CACNB2: variants seen among roughly 807,000 people sequenced by gnomAD.
CACNB2 encodes calcium voltage-gated channel auxiliary subunit beta 2, also known as voltage-dependent L-type calcium channel subunit beta-2.
A neutral mutation model predicts 73.3 loss-of-function variants in CACNB2; 42 were observed. The observed-to-expected ratio is 0.57, with a 90% confidence interval of 0.45 to 0.74. CACNB2 has a LOEUF of 0.74. Among genes scored for constraint, CACNB2 ranks in the 30% least tolerant of loss-of-function variants. CACNB2 has a pLI of 0.00. For synonymous variants in CACNB2, 348 were observed against 310.3 expected, an observed-to-expected ratio of 1.12 and a Z score of -1.28; for missense variants, 940 against 853.0, an observed-to-expected ratio of 1.10 and a Z score of -1.27.
At position 18,380,458 on chromosome 10, in the gene CACNB2, T is replaced by TTC. The variant is rs1554805598; in HGVS notation, c.214-21465_214-21464insCT. 2.1e-3 allele frequency among the ~76,000 whole-genome samples: 300 copies of TTC among 144,554 alleles called. 1 individual carries two copies. The highest frequency in any genetic ancestry group is 7.6e-3 in the African/African-American group (293 of 38,602). 94.8% of individuals were successfully genotyped at this position (144,554 alleles called of 152,430 possible). On this transcript the variant is annotated intron_variant, in intron 2 of 13. Coordinates refer to ENST00000324631, the MANE Select transcript of CACNB2 (RefSeq NM_201596.3). Reference sequence around the variant, plus strand: ...ACTTGAAACATGTGTTTTTCTTTTTTTTTTTTTTTTTTTTGAGATGGAGTC... The same window carrying TTC: ...ACTTGAAACATGTGTTTTTCTTTTTTTCTTTTTTTTTTTTTTGAGATGGAGTC...
At position 18,266,516 on chromosome 10, in the gene CACNB2, G is replaced by GT. The variant is rs59495303; in HGVS notation, c.213+115553dup. ...TGGTTAGTAGAATGTAGGTAGTATA[G>GT]TTTTTTTTTTTTAATTGTGGTTGTT... On this transcript the variant is annotated intron_variant, in intron 2 of 13. Transcript: ENST00000324631. Among the ~76,000 whole-genome samples, 491 of 147,438 alleles carry GT rather than the reference G, an allele frequency of 3.3e-3. 1 individual carries two copies. The highest frequency in any genetic ancestry group is 0.011 in the Middle Eastern group (3 of 282).
At chr10:18,433,401 T>C (rs1269979971) in intron 3 of CACNB2, among the ~76,000 whole-genome samples, 4 of 152,216 alleles carry the variant, frequency 2.6e-5, no homozygotes, top group African/African-American at 7.2e-5. Flanking sequence ...GACCAGGTGA[T>C]GGATTAAGCA....
At chr10:18,440,238 C>G (rs1044420780) in intron 3 of CACNB2, among the ~76,000 whole-genome samples, 7 of 152,158 alleles carry the variant, frequency 4.6e-5, no homozygotes, top group Non-Finnish European at 8.8e-5. Context: ...CATGACCTAA[C>G]TACCTTGTTA....
chr10:18,477,475 C>G (rs1021909045), intron 3 of CACNB2, among the ~76,000 whole-genome samples: 7 of 152,292 alleles, frequency 4.6e-5, no homozygotes, highest in African/African-American at 1.7e-4. Flanking sequence ...TGGACTCATC[C>G]AAAGCCTTTT....
chr10:18,391,888 A>G (rs1046594225), intron 2 of CACNB2, among the ~76,000 whole-genome samples: 2 of 138,920 alleles, frequency 1.4e-5, no homozygotes, highest in Admixed American at 1.6e-4. Flanking sequence ...AGATTGTGCC[A>G]CTGCACTCCA....
chr10:18,395,998 C>G (rs1216590368), intron 2 of CACNB2, among the ~76,000 whole-genome samples: 4 of 152,134 alleles, frequency 2.6e-5, no homozygotes, highest in Non-Finnish European at 4.4e-5. Context: ...CCTCTGTCAC[C>G]CAAGCTGGAG....
At chr10:18,355,333 G>A (rs900302069) in intron 2 of CACNB2, among the ~76,000 whole-genome samples, 8 of 152,048 alleles carry the variant, frequency 5.3e-5, no homozygotes, top group African/African-American at 1.9e-4. Context: ...TCTTTTCCAG[G>A]TATAAACCTA....
At chr10:18,259,381 C>A (rs1006039433) in intron 2 of CACNB2, among the ~76,000 whole-genome samples, 1 of 151,396 alleles carries the variant, frequency 6.6e-6, no homozygotes, top group African/African-American at 2.4e-5. Flanking sequence ...GCCTGGGCAA[C>A]AAAGTGAGAC....
At chr10:18,393,416 A>G (rs1167773911) in intron 2 of CACNB2, among the ~76,000 whole-genome samples, 3 of 152,218 alleles carry the variant, frequency 2.0e-5, no homozygotes, top group African/African-American at 7.2e-5. Flanking sequence ...TTTTGCAAAT[A>G]TTGAGCAGAG....
chr10:18,276,864 C>T (rs1236334619), intron 2 of CACNB2, among the ~76,000 whole-genome samples: 2 of 152,200 alleles, frequency 1.3e-5, no homozygotes, highest in Non-Finnish European at 2.9e-5. Context: ...AAGGCGTGAG[C>T]CACCACACCC....
intron 2 of CACNB2, among the ~76,000 whole-genome samples, chr10:18,376,867 C>T (rs2042820852): frequency 6.6e-6 from 1 of 152,280 alleles, no homozygotes; most frequent in African/African-American, 2.4e-5. Context: ...TGACCTTAGC[C>T]ATTAGGCTGA....
chr10:18,208,002 T>C (rs1212031956), intron 2 of CACNB2, among the ~76,000 whole-genome samples: 1 of 152,198 alleles, frequency 6.6e-6, no homozygotes, highest in Non-Finnish European at 1.5e-5. Flanking sequence ...TTTTAAAAAA[T>C]CTCAAGTTTC....
intron 2 of CACNB2, among the ~76,000 whole-genome samples, chr10:18,345,222 C>G (rs1485292767): frequency 1.3e-5 from 2 of 152,112 alleles, no homozygotes; most frequent in African/African-American, 4.8e-5. Flanking sequence ...TTTGAATGTT[C>G]TTATAAGTCC....
chr10:18,210,751 C>T, intron 2 of CACNB2, among the ~76,000 whole-genome samples: 1 of 152,144 alleles, frequency 6.6e-6, no homozygotes, highest in Non-Finnish European at 1.5e-5. Context: ...AGGAATGTTT[C>T]CTCTCAACCT....
chr10:18,501,483 A>G (rs1043353079), intron 5 of CACNB2, among the ~76,000 whole-genome samples: 8 of 152,244 alleles, frequency 5.3e-5, no homozygotes, highest in East Asian at 1.9e-4. Context: ...GCAGATGGCA[A>G]TTAGATGAGT....
At chr10:18,286,713 G>A (rs2038820567) in intron 2 of CACNB2, among the ~76,000 whole-genome samples, 1 of 152,036 alleles carries the variant, frequency 6.6e-6, no homozygotes, top group African/African-American at 2.4e-5. Flanking sequence ...TTAAGATTGT[G>A]ATTGTGATAT....
At chr10:18,368,132 C>G (rs1011656570) in intron 2 of CACNB2, among the ~76,000 whole-genome samples, 9 of 152,170 alleles carry the variant, frequency 5.9e-5, no homozygotes, top group African/African-American at 1.9e-4. Flanking sequence ...TCGCACAGCT[C>G]CTAATTTGGT....
intron 3 of CACNB2, among the ~76,000 whole-genome samples, chr10:18,491,819 T>TAA (rs68179779): frequency 0.032 from 2,111 of 65,370 alleles, 495 homozygotes; most frequent in Non-Finnish European, 0.038. Context: ...TCAAGTTGGT[T>TAA]AAAAAAAAAA....
At chr10:18,273,544 G>C (rs1418425467) in intron 2 of CACNB2, among the ~76,000 whole-genome samples, 1 of 152,100 alleles carries the variant, frequency 6.6e-6, no homozygotes, top group Non-Finnish European at 1.5e-5. Context: ...AAGCTTAGCA[G>C]TGCTGATGTT....
Sources: allele counts gnomAD v4.1 joint callset (sites outside exome capture counted in the v4.1 genomes callset), GRCh38; gene constraint gnomAD v4.1.1; transcripts MANE v1.5; gene names NCBI Gene and HGNC (gene_info 2026-07-23, HGNC 2026-07-21).